LRP1B: variants seen among roughly 807,000 people sequenced by gnomAD.
LRP1B encodes the protein low-density lipoprotein receptor-related protein 1B.
Under a neutral mutation model 556.6 loss-of-function variants are expected in LRP1B, and 217 were observed. The observed-to-expected ratio is 0.39, with a 90% confidence interval of 0.35 to 0.44. The LOEUF (loss-of-function observed/expected upper bound fraction) is 0.44. Among genes scored for constraint, LRP1B ranks in the 20% least tolerant of loss-of-function variants. The pLI is 1.00. For missense variants in LRP1B, 5,053 were observed against 5,620.8 expected (o/e 0.90, Z 3.23); for synonymous variants, 2,047 against 1,865.8 (o/e 1.10, Z -2.50).
intron 86 of LRP1B, among the ~76,000 whole-genome samples, chr2:140,253,807 T>TG (rs1264810353): frequency 3.3e-5 from 5 of 152,050 alleles, no homozygotes; most frequent in Non-Finnish European, 7.4e-5. Flanking sequence ...AGTAATATGG[T>TG]GGATGTAATT....
rs1482830444 is a variant in LRP1B, at chr2:140,856,202, T to TA, written c.4580-4420_4580-4419insT. ...CACTATTCCCTAAATATCTATATTC[T>TA]TTTCCACCTCCACATGATGTACTTT... On this transcript the variant is annotated intron_variant, in intron 27 of 90. Coordinates refer to ENST00000389484, the MANE Select transcript of LRP1B (RefSeq NM_018557.3). 2.6e-4 allele frequency among the ~76,000 whole-genome samples: 40 copies of TA among 152,216 alleles called. 1 individual carries two copies. Among genetic ancestry groups the TA allele is most frequent in the African/African-American group, 8.4e-4 (35 of 41,462 alleles).
chr2:140,893,331 T>C (rs1693855674), intron 23 of LRP1B, among the ~76,000 whole-genome samples: 1 of 152,234 alleles, frequency 6.6e-6, no homozygotes. Context: ...TCAACTTTTA[T>C]GAAAGTGGAT....
At chr2:141,778,226 C>T (rs768519523) in intron 2 of LRP1B, among the ~76,000 whole-genome samples, 7 of 152,284 alleles carry the variant, frequency 4.6e-5, no homozygotes, top group Non-Finnish European at 1.0e-4. Context: ...GGTGATTAGA[C>T]TGCATCTGAT....
chr2:140,922,775 G>A (rs1046164207), intron 21 of LRP1B, among the ~76,000 whole-genome samples, 190 bp downstream of exon 21: 4 of 152,082 alleles, frequency 2.6e-5, no homozygotes, highest in African/African-American at 9.7e-5. Context: ...CCAATGCGGA[G>A]AACATTCATA....
At chr2:141,818,641 A>G (rs1696644183) in intron 1 of LRP1B, among the ~76,000 whole-genome samples, 1 of 137,562 alleles carries the variant, frequency 7.3e-6, no homozygotes, top group African/African-American at 2.8e-5. Flanking sequence ...GGTTCACTCC[A>G]TTCTCCTGCC....
rs577565961 is a variant in LRP1B at position 140,485,607 on chromosome 2, T to A, written c.9244-83A>T. ...AATTGCTTCTTGATTTTTACAGAGA[T>A]ATAGAATTCCATTTAAATGTAAAGA... On this transcript the variant is annotated intron_variant, in intron 58 of 90. Coordinates refer to ENST00000389484, the MANE Select transcript of LRP1B (RefSeq NM_018557.3). 58 of 932,770 alleles carry A rather than the reference T, an allele frequency of 6.2e-5. 1 individual carries two copies. The East Asian group carries it at 9.5e-4, about 15-fold the overall frequency. The allele number at this position is 932,770 out of a possible 1,614,324, so 57.8% of individuals were successfully genotyped here. A position where few individuals can be genotyped will look rare whatever the true frequency, so the allele number is the denominator to read the frequency against.
intron 18 of LRP1B, among the ~76,000 whole-genome samples, chr2:140,963,231 G>A (rs1021441144): frequency 1.3e-5 from 2 of 148,658 alleles, no homozygotes; most frequent in African/African-American, 4.9e-5. Context: ...TTTCAGAAAT[G>A]TTGCTGTTTT....
At chr2:140,907,020 T>A (rs1374585154) in intron 22 of LRP1B, among the ~76,000 whole-genome samples, 2 of 151,740 alleles carry the variant, frequency 1.3e-5, no homozygotes, top group African/African-American at 4.8e-5. Flanking sequence ...ATGCTATTAA[T>A]GCTCATTTGA....
intron 41 of LRP1B, among the ~76,000 whole-genome samples, chr2:140,664,147 T>C (rs934189647): frequency 6.6e-6 from 1 of 152,168 alleles, no homozygotes; most frequent in East Asian, 1.9e-4. Context: ...AAATCACTGA[T>C]TGCAAATTAC....
rs559133620 is a variant in LRP1B at position 140,490,113 on chromosome 2, T to G, written c.9121-2374A>C. On this transcript the variant is annotated intron_variant, in intron 57 of 90. Transcript: ENST00000389484. ...AGTAGTTTCAGAGATGAAAATTTGT[T>G]TCATCAGAATCCTATTTGCTTCTTT... Among the ~76,000 whole-genome samples the G allele has an allele frequency of 9.2e-5, 14 of 152,208 alleles. No individual in the cohort carries two copies. In the East Asian group the frequency reaches 2.7e-3, roughly 29 times the overall value.
At chr2:140,907,522 C>T (rs1371198524) in intron 22 of LRP1B, among the ~76,000 whole-genome samples, 2 of 152,062 alleles carry the variant, frequency 1.3e-5, no homozygotes, top group African/African-American at 4.8e-5. Context: ...TGGTGAGTTC[C>T]ATCCGTAGAT....
chr2:141,983,725 G>T (rs1250271904), intron 1 of LRP1B, among the ~76,000 whole-genome samples: 1 of 152,042 alleles, frequency 6.6e-6, no homozygotes, highest in South Asian at 2.1e-4. Flanking sequence ...GAAACCTATT[G>T]AATATACACA....
At chr2:141,654,104 C>A (rs1689906631) in intron 2 of LRP1B, among the ~76,000 whole-genome samples, 1 of 152,104 alleles carries the variant, frequency 6.6e-6, no homozygotes, top group Non-Finnish European at 1.5e-5. Flanking sequence ...ATGACAGGAA[C>A]TTGTATTCAA....
At chr2:140,446,970 AAG>A (rs1372734791) in intron 63 of LRP1B, among the ~76,000 whole-genome samples, 1 of 141,148 alleles carries the variant, frequency 7.1e-6, no homozygotes, top group East Asian at 1.9e-4. Flanking sequence ...ATTCAATAGT[AAG>A]AAAAAAAAAC....
At chr2:140,424,266 T>A (rs1003354578) in intron 66 of LRP1B, among the ~76,000 whole-genome samples, 2 of 152,212 alleles carry the variant, frequency 1.3e-5, no homozygotes, top group Non-Finnish European at 2.9e-5. Context: ...ATCCAAAAAA[T>A]TTTTTAAAAT....
intron 3 of LRP1B, among the ~76,000 whole-genome samples, chr2:141,460,339 A>T (rs1470969802): frequency 6.6e-6 from 1 of 152,126 alleles, no homozygotes; most frequent in Non-Finnish European, 1.5e-5. Context: ...TCATGCCAAA[A>T]ATGTAAGGTA....
At chr2:140,693,269 T>C (rs1358816854) in intron 41 of LRP1B, among the ~76,000 whole-genome samples, 1 of 152,204 alleles carries the variant, frequency 6.6e-6, no homozygotes, top group Non-Finnish European at 1.5e-5. Context: ...CTCTTCTATG[T>C]GAATTCTACT....
chr2:140,254,994 A>G (rs1681614421), intron 86 of LRP1B, among the ~76,000 whole-genome samples: 1 of 152,196 alleles, frequency 6.6e-6, no homozygotes, highest in Non-Finnish European at 1.5e-5. Flanking sequence ...TACACTCTCA[A>G]AATATGTTTA....
intron 3 of LRP1B, among the ~76,000 whole-genome samples, chr2:141,294,289 A>G (rs1686094131): frequency 6.6e-6 from 1 of 152,246 alleles, no homozygotes; most frequent in South Asian, 2.1e-4. Flanking sequence ...GTCAGAAAAA[A>G]TATACTTTGG....
Sources: allele counts gnomAD v4.1 joint callset (sites outside exome capture counted in the v4.1 genomes callset), GRCh38; gene constraint gnomAD v4.1.1; transcripts MANE v1.5; gene names NCBI Gene and HGNC (gene_info 2026-07-23, HGNC 2026-07-21).